Variants in KLC1 observed in about 807,000 individuals in gnomAD.
KLC1 encodes kinesin light chain 1, also known as kinesin 2 60/70kDa.
In KLC1, 30 loss-of-function variants were observed where a neutral mutation model predicts 84.2. The ratio of observed to expected loss-of-function variants is 0.36; its 90% confidence interval spans 0.27 to 0.48. KLC1 has a LOEUF of 0.48. Ranked by LOEUF, KLC1 falls within the 20% of genes least tolerant of loss-of-function variation. The pLI is 0.99. For synonymous variants in KLC1, 289 were observed against 293.3 expected (o/e 0.99, Z 0.15); for missense variants, 499 against 805.4 (o/e 0.62, Z 4.60).
intron 14 of KLC1, among the ~76,000 whole-genome samples, chr14:103,689,436 C>T (rs1276174500): frequency 6.6e-6 from 1 of 152,224 alleles, no homozygotes; most frequent in Non-Finnish European, 1.5e-5. Flanking sequence ...CACACACTTG[C>T]ACGGACTAAC....
At position 103,694,205 on chromosome 14, in the gene KLC1, TCCCGGACGC is replaced by T; in HGVS notation, c.1848+1784_1848+1792del. On this transcript the variant is annotated intron_variant, in intron 15 of 16. Transcript: ENST00000334553. This position sits in a 1 kb window ranked among gnomAD's most constrained non-coding sequence, Gnocchi z 4.5. Reference sequence around the variant, plus strand: ...CCATGCCCCCTTTTGAGCTGTGTTCTCCCGGACGCCCCTGCACACGAAGCCCATAGAGAC... The same window carrying T: ...CCATGCCCCCTTTTGAGCTGTGTTCTCCCTGCACACGAAGCCCATAGAGAC... The T allele has an allele frequency of 1.0e-6, 1 of 983,882 alleles. No individual in the cohort carries two copies. The highest frequency in any genetic ancestry group is 1.8e-5 in the African/African-American group (1 of 56,804). 60.9% of individuals were successfully genotyped at this position (983,882 alleles called of 1,614,324 possible).
chr14:103,697,277 G>A, intron 15 of KLC1: 1 of 282,694 alleles, frequency 3.5e-6, no homozygotes, highest in Non-Finnish European at 5.3e-6. Context: ...CATGATGAAG[G>A]TTTAAACGGA....
At chr14:103,698,855 A>G in intron 15 of KLC1, 4 of 1,607,666 alleles carry the variant, frequency 2.5e-6, no homozygotes, top group Non-Finnish European at 3.4e-6. Context: ...TCGTGTAGGA[A>G]CAGGAGGAGG....
chr14:103,679,129 T>C (rs946744265), intron 12 of KLC1, among the ~76,000 whole-genome samples: 19 of 152,106 alleles, frequency 1.2e-4, no homozygotes, highest in Admixed American at 9.8e-4. Context: ...GTCCTAGGTA[T>C]AGACCCAGAA....
chr14:103,653,534 T>G (rs1277052354), intron 1 of KLC1, among the ~76,000 whole-genome samples: 2 of 152,142 alleles, frequency 1.3e-5, no homozygotes, highest in Non-Finnish European at 2.9e-5. Flanking sequence ...GTTGGCCGGC[T>G]GGTTTTGAAC....
chr14:103,698,757 C>T lies in KLC1; in HGVS notation c.1849-1898C>T, dbSNP rs370272845. 666 of 1,545,372 alleles carry T rather than the reference C, an allele frequency of 4.3e-4. 1 individual carries two copies. The highest frequency in any genetic ancestry group is 5.5e-4 in the Non-Finnish European group (632 of 1,141,094). ...TTTTAAAGGCCCGAGCCCCGTGTGT[C>T]GGGGCTTCTCAGGCAGGGCTGTTGT... On this transcript the variant is annotated intron_variant, in intron 15 of 16. Coordinates refer to ENST00000334553, the MANE Select transcript of KLC1 (RefSeq NM_001394837.1).
rs546709768 is a variant in KLC1, at chr14:103,698,901, C to T, written c.1849-1754C>T. 2.0e-5 allele frequency: 32 copies of T among 1,602,348 alleles called. No individual in the cohort carries two copies. Among genetic ancestry groups the T allele is most frequent in the African/African-American group, 9.3e-5 (7 of 74,870 alleles). On this transcript the variant is annotated intron_variant, in intron 15 of 16. Transcript: ENST00000334553. ...GGGGGCAGAGAGCACCCGCAGGGTC[C>T]GGGCTGGGCAGCCGAGGGCAGCCTC...
intron 13 of KLC1, among the ~76,000 whole-genome samples, chr14:103,682,142 G>A (rs1190169596): frequency 7.9e-5 from 12 of 151,994 alleles, no homozygotes; most frequent in South Asian, 2.1e-4. Context: ...AAGCTGAGGC[G>A]GGCAGATCAC....
chr14:103,660,824 ATAAAT>A (rs1169999045), intron 3 of KLC1, among the ~76,000 whole-genome samples: 1 of 152,060 alleles, frequency 6.6e-6, no homozygotes, highest in African/African-American at 2.4e-5. Flanking sequence ...AAATAAATAA[ATAAAT>A]AAAAGATGCT....
At position 103,693,761 on chromosome 14, in the gene KLC1, C is replaced by T. The variant is rs2082256338; in HGVS notation, c.1848+1336C>T. The stretch of plus-strand genomic sequence containing the variant: ...TGACGTCCACCAACCTTGGAGGTGC[C>T]TTTTCAAAACACCCGGGAGGCCGTG... On this transcript the variant is annotated intron_variant, in intron 15 of 16. Coordinates refer to ENST00000334553, the MANE Select transcript of KLC1 (RefSeq NM_001394837.1). This position sits in a 1 kb window ranked among gnomAD's most constrained non-coding sequence, Gnocchi z 5.1. 3 of 1,429,472 alleles carry T rather than the reference C, an allele frequency of 2.1e-6. No homozygotes were observed. Among genetic ancestry groups the T allele is most frequent in the Non-Finnish European group, 2.7e-6 (3 of 1,095,594 alleles). 88.5% of individuals were successfully genotyped at this position (1,429,472 alleles called of 1,614,324 possible).
chr14:103,674,307 A>G (rs2080690347), intron 9 of KLC1, among the ~76,000 whole-genome samples: 2 of 152,018 alleles, frequency 1.3e-5, no homozygotes, highest in Admixed American at 1.3e-4. Context: ...CATAAACATT[A>G]CTTTTAAGGT....
At chr14:103,657,481 C>A (rs1009714624) in intron 2 of KLC1, 65 bp from the exon 3 acceptor site, 1 of 1,315,128 alleles carries the variant, frequency 7.6e-7, no homozygotes, top group East Asian at 2.3e-5. Context: ...AGAATGTTCG[C>A]ACGGGTGGGA....
chr14:103,647,542 G>C (rs2078042040), intron 1 of KLC1, among the ~76,000 whole-genome samples: 1 of 151,654 alleles, frequency 6.6e-6, no homozygotes, highest in Non-Finnish European at 1.5e-5. Context: ...AAACTTTTTT[G>C]TTATTGTTTC....
At chr14:103,695,354 TATATATAC>T in intron 15 of KLC1, 1 of 610,910 alleles carries the variant, frequency 1.6e-6, no homozygotes, top group Non-Finnish European at 2.0e-6. Flanking sequence ...TATATATATA[TATATATAC>T]ATACATATAT....
At chr14:103,658,428 GTTTTTTTTTTTT>G (rs536826342) in intron 3 of KLC1, among the ~76,000 whole-genome samples, 88 of 91,226 alleles carry the variant, frequency 9.6e-4, no homozygotes, top group Admixed American at 2.6e-3. Flanking sequence ...GCCCAGCTAA[GTTTTTTTTTTTT>G]TTTTTTTTTT....
intron 1 of KLC1, among the ~76,000 whole-genome samples, chr14:103,641,565 G>A (rs1397542399): frequency 6.6e-6 from 1 of 152,094 alleles, no homozygotes; most frequent in East Asian, 1.9e-4. Context: ...GGTGAAAAGA[G>A]TGTGAGAGAG....
rs772554232 is a variant in KLC1, at chr14:103,657,704, A to G, written c.420A>G (p.Gln140=). 6 of 1,614,212 alleles carry G rather than the reference A, an allele frequency of 3.7e-6. No individual in the cohort carries two copies. Among genetic ancestry groups the G allele is most frequent in the Admixed American group, 3.3e-5 (2 of 60,018 alleles). The change falls in exon 3 of 17, where the codon CAA becomes CAG. Residue 140 remains glutamine (Q), a synonymous_variant. Coordinates refer to ENST00000334553, the MANE Select transcript of KLC1 (RefSeq NM_001394837.1). ...AGAAGAGTGAGCAGTCTGTGGCTCA[A>G]CTGGAGGAGGAGAAGAAGCATCTGG... The part of the protein sequence containing the change: ...KLQKSEQSVA[Q]LEEEKKHLEF...
At position 103,693,844 on chromosome 14, in the gene KLC1, A is replaced by G; in HGVS notation, c.1848+1419A>G. On this transcript the variant is annotated intron_variant, in intron 15 of 16. Coordinates refer to ENST00000334553, the MANE Select transcript of KLC1 (RefSeq NM_001394837.1). The surrounding 1 kb of genome is among the most constrained non-coding windows in gnomAD (Gnocchi z 5.1). ...AGTGCCAGGAGCCACCCCGACCGCG[A>G]CCCGGCCAGGCTGGCTCAGGGAGGC... The G allele has an allele frequency of 7.3e-7, 1 of 1,377,486 alleles. No individual in the cohort carries two copies. Among genetic ancestry groups the G allele is most frequent in the Non-Finnish European group, 9.4e-7 (1 of 1,067,902 alleles). The allele number at this position is 1,377,486 out of a possible 1,614,324, so 85.3% of individuals were successfully genotyped here.
At chr14:103,699,227 G>C (rs749728676) in intron 15 of KLC1, 1 of 1,543,622 alleles carries the variant, frequency 6.5e-7, no homozygotes, top group South Asian at 1.2e-5. Context: ...GGGTCTTCTC[G>C]ATGGTTAGGC....
Sources: gnomAD v4.1 joint callset for allele counts (sites outside exome capture counted in the v4.1 genomes callset) on GRCh38, gnomAD v4.1.1 for gene constraint, Gnocchi (gnomAD v3.1) non-coding constraint, MANE v1.5 for transcripts, NCBI Gene and HGNC (gene_info 2026-07-23, HGNC 2026-07-21) for gene names.